NPLOC4: variants seen among roughly 807,000 people sequenced by gnomAD.
NPLOC4 encodes NPL4 homolog, ubiquitin recognition factor.
In NPLOC4, 18 loss-of-function variants were observed where a neutral mutation model predicts 80.6. The observed-to-expected ratio is 0.22, with a 90% CI of 0.15 to 0.33. The LOEUF is 0.33. NPLOC4 is among the 10% of genes least tolerant of loss of function. NPLOC4 has a pLI of 1.00. For missense variants in NPLOC4, 540 were observed against 786.1 expected (o/e 0.69, Z 3.74); for synonymous variants, 313 against 301.5 (o/e 1.04, Z -0.39).
At chr17:81,597,783 C>CAA (rs533038308) in intron 9 of NPLOC4, among the ~76,000 whole-genome samples, 9,942 of 86,594 alleles carry the variant, frequency 0.11, 504 homozygotes, top group Middle Eastern at 0.21. Flanking sequence ...AACTCCATCT[C>CAA]AAAAAAAAAA....
intron 3 of NPLOC4, among the ~76,000 whole-genome samples, chr17:81,613,779 A>G (rs2035403755): frequency 6.6e-6 from 1 of 152,016 alleles, no homozygotes; most frequent in Non-Finnish European, 1.5e-5. Flanking sequence ...ACACAGCCAC[A>G]ATGGACCTGC....
At chr17:81,587,196 G>A (rs1239803318) in intron 12 of NPLOC4, among the ~76,000 whole-genome samples, 1 of 152,194 alleles carries the variant, frequency 6.6e-6, no homozygotes. Flanking sequence ...AATATGGGTC[G>A]GGTGCAGTGG....
intron 12 of NPLOC4, among the ~76,000 whole-genome samples, chr17:81,587,847 T>C (rs1176101011): frequency 6.7e-6 from 1 of 149,762 alleles, no homozygotes; most frequent in Non-Finnish European, 1.5e-5. Flanking sequence ...TTTTTGTATT[T>C]TTTTTTTTTA....
chr17:81,613,575 A>C (rs2035398646), intron 3 of NPLOC4, 81 bp from the exon 4 acceptor site: 4 of 1,388,854 alleles, frequency 2.9e-6, no homozygotes, highest in African/African-American at 1.5e-5. Flanking sequence ...ATCTGCAAAA[A>C]GCAAATGCCA....
At chr17:81,632,120 C>T (rs1346430992) in intron 1 of NPLOC4, among the ~76,000 whole-genome samples, 6 of 149,998 alleles carry the variant, frequency 4.0e-5, no homozygotes, top group African/African-American at 1.2e-4. Flanking sequence ...GGATTACAGG[C>T]GTGCACCACC....
intron 9 of NPLOC4, 94 bp from the exon 10 acceptor site, chr17:81,597,410 A>C: frequency 1.1e-6 from 1 of 936,850 alleles, no homozygotes; most frequent in South Asian, 1.3e-5. Flanking sequence ...CAGCACTTTG[A>C]GAGGCCGAGG....
At chr17:81,584,149 C>G (rs918847057) in intron 12 of NPLOC4, among the ~76,000 whole-genome samples, 1 of 152,180 alleles carries the variant, frequency 6.6e-6, no homozygotes, top group Non-Finnish European at 1.5e-5. Context: ...CACCTCCAAC[C>G]GCAAAGTCCA....
chr17:81,575,765 A>G (rs2034280607), intron 12 of NPLOC4, among the ~76,000 whole-genome samples: 2 of 152,256 alleles, frequency 1.3e-5, no homozygotes, highest in African/African-American at 4.8e-5. Context: ...GGACCCCAAC[A>G]GCCGTCTCAC....
At position 81,620,990 on chromosome 17, in the gene NPLOC4, TCC is replaced by T. The variant is rs1195422118; in HGVS notation, c.209+1174_209+1175del. Among the ~76,000 whole-genome samples the T allele has an allele frequency of 2.1e-4, 31 of 150,914 alleles. No individual in the cohort carries two copies. The South Asian group carries it at 5.9e-3, about 28-fold the overall frequency. On this transcript the variant is annotated intron_variant, in intron 3 of 16. Transcript: ENST00000331134. ...GTGAGCTACGATCGCACCACCGCAC[TCC>T]AGCCTGGGTGACACGGTGAGATTCT...
At chr17:81,560,488 C>G (rs559563331) in intron 16 of NPLOC4, 1 of 152,176 alleles carries the variant, frequency 6.6e-6, no homozygotes. Flanking sequence ...GTGGGCAGAT[C>G]ACAAATTCAA....
intron 11 of NPLOC4, among the ~76,000 whole-genome samples, chr17:81,589,465 G>C (rs941518858): frequency 3.3e-5 from 5 of 151,774 alleles, no homozygotes; most frequent in African/African-American, 1.2e-4. Context: ...GTGAACCCGG[G>C]AGGTGGAGCT....
chr17:81,569,375 A>T (rs2034097056), intron 13 of NPLOC4, among the ~76,000 whole-genome samples: 1 of 152,228 alleles, frequency 6.6e-6, no homozygotes, highest in Admixed American at 6.5e-5. Context: ...TCGGACAAAA[A>T]GGGCACTGGG....
At chr17:81,635,002 A>G (rs73371205) in intron 1 of NPLOC4, among the ~76,000 whole-genome samples, 7,212 of 152,184 alleles carry the variant, frequency 0.047, 297 homozygotes, top group East Asian at 0.22. Flanking sequence ...ACCAGCCTGT[A>G]CAACATAGTA....
At chr17:81,616,599 A>G (rs1000388345) in intron 3 of NPLOC4, among the ~76,000 whole-genome samples, 1 of 149,862 alleles carries the variant, frequency 6.7e-6, no homozygotes, top group African/African-American at 2.5e-5. Flanking sequence ...GCATGGTGGC[A>G]GGTGCCTGTA....
intron 1 of NPLOC4, among the ~76,000 whole-genome samples, chr17:81,631,162 C>CA (rs887460376): frequency 2.8e-5 from 4 of 143,732 alleles, no homozygotes; most frequent in African/African-American, 7.7e-5. Flanking sequence ...GACTTCGTCT[C>CA]AAAAAAAAAG....
At chr17:81,594,274 CAAAAAAAAAA>C (rs869281063) in intron 11 of NPLOC4, among the ~76,000 whole-genome samples, 2 of 53,666 alleles carry the variant, frequency 3.7e-5, no homozygotes, top group African/African-American at 9.9e-5. Flanking sequence ...GACTCCGTCT[CAAAAAAAAAA>C]AAAAAAAAAA....
chr17:81,624,910 G>A (rs2035758784), intron 2 of NPLOC4, among the ~76,000 whole-genome samples: 2 of 152,236 alleles, frequency 1.3e-5, no homozygotes, highest in South Asian at 4.1e-4. Context: ...GATGGAAAGA[G>A]ATGAGGCTGG....
At chr17:81,590,021 G>A (rs148058164) in intron 11 of NPLOC4, among the ~76,000 whole-genome samples, 3 of 152,314 alleles carry the variant, frequency 2.0e-5, no homozygotes, top group South Asian at 4.1e-4. Flanking sequence ...TGGAGGCAGA[G>A]AGATGGGGAA....
intron 16 of NPLOC4, among the ~76,000 whole-genome samples, chr17:81,560,314 G>C (rs1025273110): frequency 2.0e-5 from 3 of 152,174 alleles, no homozygotes; most frequent in African/African-American, 7.2e-5. Context: ...TCAGGAGGCT[G>C]AGGAAGGAGA....
Sources: gnomAD v4.1 joint callset for allele counts (sites outside exome capture counted in the v4.1 genomes callset) on GRCh38, gnomAD v4.1.1 for gene constraint, MANE v1.5 for transcripts, NCBI Gene and HGNC (gene_info 2026-07-23, HGNC 2026-07-21) for gene names.